Variants in TIAM1 observed in about 807,000 individuals in gnomAD.
TIAM1 encodes rho guanine nucleotide exchange factor TIAM1.
In TIAM1, 65 loss-of-function variants were observed where a neutral mutation model predicts 163.5. The ratio of observed to expected loss-of-function variants is 0.40; its 90% confidence interval spans 0.33 to 0.49. The LOEUF is 0.49. TIAM1 is among the 20% of genes least tolerant of loss of function. TIAM1 has a pLI of 0.77. For synonymous variants in TIAM1, 833 were observed against 810.1 expected (o/e 1.03, Z -0.48); for missense variants, 1,789 against 2,044.7 (o/e 0.87, Z 2.41).
At chr21:31,372,609 G>T (rs996193145) in intron 2 of TIAM1, among the ~76,000 whole-genome samples, 4 of 152,206 alleles carry the variant, frequency 2.6e-5, no homozygotes, top group Admixed American at 6.5e-5. Flanking sequence ...GGGCAGGCGA[G>T]GGTAGGGGTG....
chr21:31,144,258 C>A (rs911689154), intron 20 of TIAM1, among the ~76,000 whole-genome samples: 4 of 152,206 alleles, frequency 2.6e-5, no homozygotes, highest in African/African-American at 9.6e-5. Context: ...ATATGTGGAA[C>A]TGATGGATTT....
At chr21:31,243,082 C>T (rs984594781) in intron 6 of TIAM1, among the ~76,000 whole-genome samples, 2 of 148,818 alleles carry the variant, frequency 1.3e-5, no homozygotes, top group African/African-American at 4.9e-5. Context: ...ATCCCAGCTG[C>T]TTGGGAGGCT....
intron 2 of TIAM1, among the ~76,000 whole-genome samples, chr21:31,285,001 AACCTGCAATTTCCCTGATGGCCTCTG>A (rs2073738785): frequency 6.6e-6 from 1 of 152,160 alleles, no homozygotes; most frequent in Non-Finnish European, 1.5e-5. Flanking sequence ...ACGAAAGTGC[AACCTGCAATTTCCCTGATGGCCTCTG>A]ACCCCTACAG....
At chr21:31,156,621 A>G (rs1354014693) in intron 16 of TIAM1, among the ~76,000 whole-genome samples, 2 of 152,272 alleles carry the variant, frequency 1.3e-5, no homozygotes. Context: ...AAAATTACAA[A>G]GGAACAAATA....
chr21:31,454,472 G>A (rs1444315305), intron 2 of TIAM1, among the ~76,000 whole-genome samples: 6 of 152,068 alleles, frequency 3.9e-5, no homozygotes, highest in Non-Finnish European at 5.9e-5. Context: ...GTCTTAACAC[G>A]GGCCAGAGCA....
At chr21:31,320,207 T>C (rs558235364) in intron 2 of TIAM1, among the ~76,000 whole-genome samples, 2 of 152,236 alleles carry the variant, frequency 1.3e-5, no homozygotes, top group Admixed American at 6.5e-5. Context: ...AAAAACACGA[T>C]GCTAAGTATG....
chr21:31,217,262 C>CT (rs1030346277), intron 9 of TIAM1, among the ~76,000 whole-genome samples: 1 of 151,764 alleles, frequency 6.6e-6, no homozygotes, highest in Non-Finnish European at 1.5e-5. Context: ...CAGAGCCCTG[C>CT]TTTTTCCTGA....
At chr21:31,307,542 C>T (rs1027220842) in intron 2 of TIAM1, among the ~76,000 whole-genome samples, 1 of 152,198 alleles carries the variant, frequency 6.6e-6, no homozygotes. Context: ...CGGATCTACC[C>T]CGGAGAACTC....
intron 1 of TIAM1, among the ~76,000 whole-genome samples, chr21:31,557,540 C>A (rs141173971): frequency 1.8e-4 from 27 of 152,276 alleles, no homozygotes; most frequent in African/African-American, 6.0e-4. Flanking sequence ...TGAGTGACAC[C>A]GAGCAGGTAC....
At chr21:31,542,399 C>T (rs2048349618) in intron 1 of TIAM1, among the ~76,000 whole-genome samples, 1 of 151,124 alleles carries the variant, frequency 6.6e-6, no homozygotes, top group African/African-American at 2.5e-5. Context: ...TGCACTCCAG[C>T]CTGGGGGATA....
At chr21:31,174,498 G>T (rs2084670682) in intron 15 of TIAM1, among the ~76,000 whole-genome samples, 1 of 152,138 alleles carries the variant, frequency 6.6e-6, no homozygotes, top group Non-Finnish European at 1.5e-5. Flanking sequence ...TCCAGCGCTG[G>T]CCCTAATTGC....
At chr21:31,292,477 C>T (rs144477266) in intron 2 of TIAM1, among the ~76,000 whole-genome samples, 1 of 150,722 alleles carries the variant, frequency 6.6e-6, no homozygotes, top group African/African-American at 2.4e-5. Flanking sequence ...TCAAGTGATT[C>T]TCATGCCTCA....
At chr21:31,557,564 T>G (rs146178816) in intron 1 of TIAM1, among the ~76,000 whole-genome samples, 1,608 of 152,138 alleles carry the variant, frequency 0.011, 10 homozygotes, top group Non-Finnish European at 0.014. Flanking sequence ...AACCCGGGTT[T>G]GTTTGACCTC....
intron 23 of TIAM1, among the ~76,000 whole-genome samples, chr21:31,133,052 C>A (rs1278213711): frequency 6.6e-6 from 1 of 152,168 alleles, no homozygotes; most frequent in Non-Finnish European, 1.5e-5. Context: ...AACAAGACAA[C>A]CACATTTTAA....
Position 31,329,896 on chromosome 21 carries a change from T to C in TIAM1, c.-189+9347A>G, listed in dbSNP as rs187301994. Among the ~76,000 whole-genome samples the C allele has an allele frequency of 2.6e-5, 4 of 152,248 alleles. No homozygotes were observed. In the East Asian group the frequency reaches 7.7e-4, roughly 29 times the overall value. On this transcript the variant is annotated intron_variant, in intron 2 of 27. Coordinates refer to ENST00000541036, the MANE Select transcript of TIAM1 (RefSeq NM_001353694.2). ...TTCATAATACCATTTTATAGAGCAG[T>C]TTAAGGTTCACAGCAAAATTACGCA...
At chr21:31,246,889 C>T (rs1022207416) in intron 5 of TIAM1, among the ~76,000 whole-genome samples, 2 of 152,128 alleles carry the variant, frequency 1.3e-5, no homozygotes, top group African/African-American at 4.8e-5. Flanking sequence ...CCTTATTGCA[C>T]GGTGCTGCTG....
chr21:31,445,345 T>G (rs113315716), intron 2 of TIAM1, among the ~76,000 whole-genome samples: 3 of 152,312 alleles, frequency 2.0e-5, no homozygotes, highest in African/African-American at 7.2e-5. Flanking sequence ...GTTTAATACG[T>G]GTGTCTTCCA....
At chr21:31,473,941 C>T (rs1289003966) in intron 1 of TIAM1, among the ~76,000 whole-genome samples, 1 of 152,172 alleles carries the variant, frequency 6.6e-6, no homozygotes, top group Non-Finnish European at 1.5e-5. Context: ...ATTTGGCGCA[C>T]AGTTCTGCAG....
chr21:31,459,701 G>C (rs560387961), intron 2 of TIAM1, among the ~76,000 whole-genome samples: 35 of 152,294 alleles, frequency 2.3e-4, no homozygotes, highest in African/African-American at 8.4e-4. Flanking sequence ...TTACCATCAG[G>C]GGGTGGTGAA....
Sources: allele counts gnomAD v4.1 joint callset (sites outside exome capture counted in the v4.1 genomes callset), GRCh38; gene constraint gnomAD v4.1.1; transcripts MANE v1.5; gene names NCBI Gene and HGNC (gene_info 2026-07-23, HGNC 2026-07-21).